The following CRTAC1 variants were observed in gnomAD, a reference collection of about 807,000 sequenced individuals.
CRTAC1 encodes the protein cartilage acidic protein 1.
In CRTAC1, 37 loss-of-function variants were observed where a neutral mutation model predicts 67.8. The observed-to-expected ratio is 0.55, with a 90% CI of 0.42 to 0.72. CRTAC1 has a LOEUF of 0.72. Among genes scored for constraint, CRTAC1 ranks in the 30% least tolerant of loss-of-function variants. CRTAC1 has a pLI of 0.00. For synonymous variants in CRTAC1, 348 were observed against 371.0 expected (o/e 0.94, Z 0.71); for missense variants, 780 against 931.6 (o/e 0.84, Z 2.12).
chr10:97,967,483 T>G (rs1428447882), intron 2 of CRTAC1, among the ~76,000 whole-genome samples: 1 of 152,224 alleles, frequency 6.6e-6, no homozygotes, highest in Non-Finnish European at 1.5e-5. Context: ...GGGCTAGGTG[T>G]GCTTGTTGAT....
intron 7 of CRTAC1, among the ~76,000 whole-genome samples, chr10:97,904,241 G>T (rs1366283619): frequency 6.6e-6 from 1 of 151,936 alleles, no homozygotes; most frequent in East Asian, 1.9e-4. Flanking sequence ...CCCAGCTGTA[G>T]TCCCTCGTCC....
At chr10:97,931,263 C>A (rs2050999756) in intron 3 of CRTAC1, among the ~76,000 whole-genome samples, 1 of 152,048 alleles carries the variant, frequency 6.6e-6, no homozygotes, top group Non-Finnish European at 1.5e-5. Flanking sequence ...AGCAGTGGCC[C>A]TAGGAAGGAC....
chr10:97,944,386 C>T (rs971849173), intron 2 of CRTAC1, among the ~76,000 whole-genome samples: 3 of 151,718 alleles, frequency 2.0e-5, no homozygotes, highest in South Asian at 4.1e-4. Context: ...AAGCCAAGAT[C>T]GCCCCATTGC....
chr10:97,993,319 A>T (rs1026463355), intron 2 of CRTAC1, among the ~76,000 whole-genome samples: 23 of 152,256 alleles, frequency 1.5e-4, no homozygotes, highest in African/African-American at 5.5e-4. Context: ...AGTTCCACAG[A>T]GGGTGAAAGC....
chr10:97,999,673 C>G (rs1323999479), intron 2 of CRTAC1, among the ~76,000 whole-genome samples: 1 of 152,186 alleles, frequency 6.6e-6, no homozygotes, highest in Non-Finnish European at 1.5e-5. Flanking sequence ...GGCCTGACGG[C>G]TGGGTTTGGG....
At chr10:97,998,564 TG>T (rs1331330516) in intron 2 of CRTAC1, among the ~76,000 whole-genome samples, 2 of 152,142 alleles carry the variant, frequency 1.3e-5, no homozygotes, top group Non-Finnish European at 2.9e-5. Context: ...CTTTCAAGAA[TG>T]AAGATACAGT....
Position 97,896,983 on chromosome 10 carries a change from C to A in CRTAC1, c.1142G>T (p.Arg381Leu), listed in dbSNP as rs202124986. Reference sequence around the variant, plus strand: ...GATGAGGGGGTCTCCGTGCTCTCTACGGATGACGCTGCAGGAGAGGAGACA... The same window carrying A: ...GATGAGGGGGTCTCCGTGCTCTCTAAGGATGACGCTGCAGGAGAGGAGACA... ...SSANRLFRVI[R>L]REHGDPLIEE... The change falls in exon 9 of 15, where the codon CGT becomes CTT. Residue 381 changes from arginine to leucine, a missense_variant. Arg to Leu is a moderately radical substitution (Grantham distance 102). Coordinates refer to ENST00000370597, the MANE Select transcript of CRTAC1 (RefSeq NM_018058.7). 5.8e-6 allele frequency: 9 copies of A among 1,556,978 alleles called. No individual in the cohort carries two copies. Among genetic ancestry groups the A allele is most frequent in the Non-Finnish European group, 7.0e-6 (8 of 1,149,582 alleles).
chr10:97,893,849 C>T (rs548012948), intron 11 of CRTAC1, among the ~76,000 whole-genome samples: 172 of 152,232 alleles, frequency 1.1e-3, no homozygotes, highest in Middle Eastern at 3.4e-3. Context: ...ATCTACCATA[C>T]GTGACTTTTG....
chr10:97,889,271 T>C lies in CRTAC1; in HGVS notation c.1487-4920A>G, dbSNP rs144197657. ...TTGGGAGTGAGCTGCCTCAGCCCGCTGCCAGCTGGGAAGTGGAGGGTGGGC... is the reference window on the plus strand; with the variant it reads ...TTGGGAGTGAGCTGCCTCAGCCCGCCGCCAGCTGGGAAGTGGAGGGTGGGC... On this transcript the variant is annotated intron_variant, in intron 11 of 14. Transcript: ENST00000370597. Among the ~76,000 whole-genome samples, 10 of 148,460 alleles carry C rather than the reference T, an allele frequency of 6.7e-5. No homozygotes were observed. The East Asian group carries it at 2.1e-3, about 31-fold the overall frequency.
At chr10:97,910,814 C>CTTTTTTTTTTTTTTTTTTTT (rs2050679817) in intron 5 of CRTAC1, among the ~76,000 whole-genome samples, 1 of 152,208 alleles carries the variant, frequency 6.6e-6, no homozygotes, top group Non-Finnish European at 1.5e-5. Flanking sequence ...CACTGCCACT[C>CTTTTTTTTTTTTTTTTTTTT]TTATTGCGCT....
Position 97,884,376 on chromosome 10 carries a change from C to T in CRTAC1, c.1487-25G>A, listed in dbSNP as rs765343863. On this transcript the variant is annotated intron_variant, in intron 11 of 14. Transcript: ENST00000370597. Reference sequence around the variant, plus strand: ...CCTGAGGGGCAGAAGGAGAGAGCATCAGCAGCAGAGGAGAGCAGGAGGCTC... The same window carrying T: ...CCTGAGGGGCAGAAGGAGAGAGCATTAGCAGCAGAGGAGAGCAGGAGGCTC... 471 of 1,549,174 alleles carry T rather than the reference C, an allele frequency of 3.0e-4. 6 individuals are homozygous for T. The South Asian group carries it at 3.8e-3, about 13-fold the overall frequency.
chr10:98,030,356 C>T lies in CRTAC1; in HGVS notation c.24+93G>A. On this transcript the variant is annotated intron_variant, in intron 1 of 14. Transcript: ENST00000370597. This position sits in a 1 kb window ranked among gnomAD's most constrained non-coding sequence, Gnocchi z 4.2. ...GTCTTCCCGGGTTCCCGGGCGGCGT[C>T]CCCGCCACCCTTGCGGGCGGATCCG... 1.2e-6 allele frequency: 1 copy of T among 821,518 alleles called. No individual in the cohort carries two copies. Among genetic ancestry groups the T allele is most frequent in the Non-Finnish European group, 1.7e-6 (1 of 599,722 alleles). The allele number at this position is 821,518 out of a possible 1,614,324, so 50.9% of individuals were successfully genotyped here.
At chr10:97,924,496 C>A (rs181360785) in intron 3 of CRTAC1, among the ~76,000 whole-genome samples, 1 of 152,240 alleles carries the variant, frequency 6.6e-6, no homozygotes, top group East Asian at 1.9e-4. Context: ...CACAGGGGCC[C>A]AGGGGCCAAG....
intron 2 of CRTAC1, among the ~76,000 whole-genome samples, chr10:97,940,501 G>A (rs1455871742): frequency 2.6e-5 from 4 of 152,260 alleles, no homozygotes; most frequent in African/African-American, 9.6e-5. Context: ...CAGCAGGCAG[G>A]GGTGATGGGC....
chr10:97,908,170 G>A (rs2050641036), intron 5 of CRTAC1, 23 bp from the exon 6 acceptor site: 1 of 1,613,046 alleles, frequency 6.2e-7, no homozygotes, highest in South Asian at 1.1e-5. Flanking sequence ...TCGACCCACA[G>A]TGAGTGGCAG....
At chr10:97,897,122 C>T (rs1360546982) in intron 8 of CRTAC1, 131 bp from the exon 9 acceptor site, 11 of 570,540 alleles carry the variant, frequency 1.9e-5, no homozygotes, top group South Asian at 4.8e-5. Context: ...TGGCTGCCCA[C>T]GGAGCCACTC....
intron 6 of CRTAC1, 136 bp downstream of exon 6, chr10:97,907,877 T>C (rs2050634905): frequency 1.2e-6 from 1 of 867,804 alleles, no homozygotes. Flanking sequence ...CGTTTCTCTG[T>C]GTGGTGCAGA....
chr10:97,874,309 C>T (rs2050122901), intron 14 of CRTAC1, among the ~76,000 whole-genome samples: 1 of 152,228 alleles, frequency 6.6e-6, no homozygotes, highest in African/African-American at 2.4e-5. Context: ...GGCCAGTTCA[C>T]TAGCTCCTGG....
At chr10:97,872,761 G>C (rs1222675931) in intron 14 of CRTAC1, among the ~76,000 whole-genome samples, 2 of 152,306 alleles carry the variant, frequency 1.3e-5, no homozygotes, top group East Asian at 3.9e-4. Flanking sequence ...TGAATGGATG[G>C]GTACCGATCG....
Sources: allele counts gnomAD v4.1 joint callset (sites outside exome capture counted in the v4.1 genomes callset), GRCh38; gene constraint gnomAD v4.1.1; non-coding constraint Gnocchi (gnomAD v3.1); transcripts MANE v1.5; gene names NCBI Gene and HGNC (gene_info 2026-07-23, HGNC 2026-07-21).